Variants in SARDH observed in about 807,000 individuals in gnomAD.
SARDH encodes sarcosine dehydrogenase, mitochondrial.
SARDH carries 95 observed loss-of-function variants against 109.1 expected under a neutral mutation model. The observed-to-expected ratio is 0.87, with a 90% CI of 0.74 to 1.03. The LOEUF is 1.03. Ranked by LOEUF, SARDH falls within the 50% of genes least tolerant of loss-of-function variation. The probability of loss-of-function intolerance (pLI) is 0.00; values close to 1 mark genes in which losing one functional copy is unlikely to be tolerated. For missense variants in SARDH, 1,267 were observed against 1,287.8 expected (o/e 0.98, Z 0.25); for synonymous variants, 572 against 534.8 (o/e 1.07, Z -0.96).
In SARDH at chr9:133,729,776, C is replaced by T. The variant is rs773227673; in HGVS notation, c.904G>A (p.Glu302Lys). ...GGCTGTCCACCTACCTGAATCCCCT[C>T]GATGCGCTCGGTGACGACATAGGCA... ...HHAYVVTERIEGIQNMPNVRD... is the reference protein window; with the variant it reads ...HHAYVVTERIKGIQNMPNVRD... The change falls in exon 6 of 21, where the codon GAG becomes AAG. Residue 302 changes from glutamate (E) to lysine (K), a missense_variant. Transcript: ENST00000439388. 54 of 1,612,554 alleles carry T rather than the reference C, an allele frequency of 3.3e-5. No homozygotes were observed. Among genetic ancestry groups the T allele is most frequent in the Admixed American group, 1.7e-4 (10 of 59,986 alleles).
At chr9:133,711,306 G>C (rs1831910488) in intron 10 of SARDH, among the ~76,000 whole-genome samples, 1 of 152,212 alleles carries the variant, frequency 6.6e-6, no homozygotes, top group South Asian at 2.1e-4. Flanking sequence ...GGGAGGCCAG[G>C]GCATGAAGAC....
chr9:133,732,567 C>A lies in SARDH; in HGVS notation c.366G>T (p.Glu122Asp). Residue 122 changes from glutamate to aspartate, a missense_variant, in exon 3 of 21, where the codon GAG becomes GAT. Glu to Asp is a conservative substitution (Grantham distance 45). Transcript: ENST00000439388. The stretch of plus-strand genomic sequence containing the variant: ...GCCGAGTGTGGGCCAGAAGCTCCAC[C>A]TCCACGTCACTGGGCCGCAGCTGCC... ...LLWQLRPSDV[E>D]VELLAHTRRV... 1 of 1,612,528 alleles carries A rather than the reference C, an allele frequency of 6.2e-7. No individual in the cohort carries two copies. The highest frequency in any genetic ancestry group is 1.1e-5 in the South Asian group (1 of 90,800).
At position 133,712,040 on chromosome 9, in the gene SARDH, A is replaced by G. The variant is rs1831941158; in HGVS notation, c.1328+579T>C. Among the ~76,000 whole-genome samples the G allele has an allele frequency of 2.0e-5, 3 of 152,152 alleles. No homozygotes were observed. The highest frequency in any genetic ancestry group is 7.2e-5 in the African/African-American group (3 of 41,450). ...GCTCTGGCCACCAGCACCCCAGTCC[A>G]TGCCTCGGCTGGGGATGACTTAGCG... On this transcript the variant is annotated intron_variant, in intron 10 of 20. Coordinates refer to ENST00000439388, the MANE Select transcript of SARDH (RefSeq NM_001134707.2). The surrounding 1 kb of genome is among the most constrained non-coding windows in gnomAD (Gnocchi z 4.1).
chr9:133,734,216 T>A lies in SARDH; in HGVS notation c.-30-13A>T, dbSNP rs200135190. ...GCGAAACAGGGAGCTGGGGAGAGAA[T>A]CAGAGCTGGGTGGGGTGCAGAGGGG... On this transcript the variant is annotated splice_polypyrimidine_tract_variant and intron_variant, in intron 1 of 20. Coordinates refer to ENST00000439388, the MANE Select transcript of SARDH (RefSeq NM_001134707.2). The A allele has an allele frequency of 1.3e-4, 200 of 1,484,088 alleles. 1 individual carries two copies. In the African/African-American group the frequency reaches 2.6e-3, roughly 20 times the overall value. 91.9% of individuals were successfully genotyped at this position (1,484,088 alleles called of 1,614,324 possible).
At chr9:133,715,117 G>A (rs1180998995) in intron 8 of SARDH, among the ~76,000 whole-genome samples, 1 of 152,128 alleles carries the variant, frequency 6.6e-6, no homozygotes, top group Non-Finnish European at 1.5e-5. Flanking sequence ...CCTCCCAGGC[G>A]CTCCCTAAGT....
At chr9:133,707,605 C>G (rs1831738345) in intron 11 of SARDH, among the ~76,000 whole-genome samples, 1 of 152,196 alleles carries the variant, frequency 6.6e-6, no homozygotes, top group African/African-American at 2.4e-5. Context: ...GCCCATCCAT[C>G]TGTTCAACAA....
chr9:133,716,598 C>T (rs10117852), intron 8 of SARDH, among the ~76,000 whole-genome samples: 35,556 of 150,868 alleles, frequency 0.24, 4,444 homozygotes, highest in Admixed American at 0.29. Flanking sequence ...CAGAGCCTTC[C>T]AGGCTCCCCA....
At chr9:133,701,198 A>G (rs548238068) in intron 13 of SARDH, among the ~76,000 whole-genome samples, 5 of 152,348 alleles carry the variant, frequency 3.3e-5, no homozygotes, top group Non-Finnish European at 7.4e-5. Flanking sequence ...GATTGAAATC[A>G]GCCATGGAGA....
intron 17 of SARDH, among the ~76,000 whole-genome samples, chr9:133,684,968 G>A (rs1362070865): frequency 2.0e-5 from 3 of 152,230 alleles, no homozygotes; most frequent in Non-Finnish European, 4.4e-5. Flanking sequence ...CAGGCACCGA[G>A]GAGGGATGGA....
intron 17 of SARDH, among the ~76,000 whole-genome samples, chr9:133,672,313 T>C (rs1830378679): frequency 1.3e-5 from 2 of 152,232 alleles, no homozygotes; most frequent in Admixed American, 1.3e-4. Context: ...CTGACCTTAA[T>C]TACACCTGCA....
intron 18 of SARDH, among the ~76,000 whole-genome samples, 197 bp downstream of exon 18, chr9:133,671,338 C>G (rs895438479): frequency 6.6e-6 from 1 of 152,070 alleles, no homozygotes; most frequent in Non-Finnish European, 1.5e-5. Flanking sequence ...GCACGAAGAC[C>G]CTGGGCAGCA....
At chr9:133,698,816 A>G (rs887524434) in intron 13 of SARDH, among the ~76,000 whole-genome samples, 1 of 152,128 alleles carries the variant, frequency 6.6e-6, no homozygotes, top group African/African-American at 2.4e-5. Flanking sequence ...AAGATATAAA[A>G]CTCTTAGAAG....
At position 133,712,253 on chromosome 9, in the gene SARDH, C is replaced by T. The variant is rs919786727; in HGVS notation, c.1328+366G>A. On this transcript the variant is annotated intron_variant, in intron 10 of 20. Coordinates refer to ENST00000439388, the MANE Select transcript of SARDH (RefSeq NM_001134707.2). This position sits in a 1 kb window ranked among gnomAD's most constrained non-coding sequence, Gnocchi z 4.1. ...CAGCCGGGGCTGCCTGGCTGCAAGC[C>T]GCGGCATACACACTCAGCACAGTTT... Among the ~76,000 whole-genome samples, 1 of 152,134 alleles carries T rather than the reference C, an allele frequency of 6.6e-6. No individual in the cohort carries two copies. Among genetic ancestry groups the T allele is most frequent in the Non-Finnish European group, 1.5e-5 (1 of 68,012 alleles).
At chr9:133,695,288 G>C (rs926550304) in intron 14 of SARDH, among the ~76,000 whole-genome samples, 5 of 152,130 alleles carry the variant, frequency 3.3e-5, no homozygotes, top group Middle Eastern at 3.4e-3. Flanking sequence ...ACTAAAAATA[G>C]AAAAAATAGT....
intron 6 of SARDH, among the ~76,000 whole-genome samples, chr9:133,725,906 C>T (rs964661396): frequency 6.6e-6 from 1 of 152,134 alleles, no homozygotes; most frequent in Admixed American, 6.6e-5. Context: ...CGACCCCTGT[C>T]CTGTCTCTGG....
At chr9:133,670,858 C>T (rs929988639) in intron 18 of SARDH, 106 bp from the exon 19 acceptor site, 6 of 1,399,304 alleles carry the variant, frequency 4.3e-6, no homozygotes, top group East Asian at 5.3e-5. Context: ...CCCCTAGCCA[C>T]ACTCTCAGAG....
chr9:133,736,403 T>TTGTG (rs1832888745), intron 1 of SARDH, among the ~76,000 whole-genome samples: 1 of 152,132 alleles, frequency 6.6e-6, no homozygotes. Flanking sequence ...GTTTGTTTGT[T>TTGTG]TGTTTGTTTT....
In SARDH at chr9:133,709,691, C is replaced by T. The variant is rs2131438614; in HGVS notation, c.1329-1263G>A. ...CATTAACAGCTGCTGTCGCTTATGG[C>T]ACCCAGCTCCAGTGCAGGCTCAGAG... On this transcript the variant is annotated intron_variant, in intron 10 of 20. Coordinates refer to ENST00000439388, the MANE Select transcript of SARDH (RefSeq NM_001134707.2). This position sits in a 1 kb window ranked among gnomAD's most constrained non-coding sequence, Gnocchi z 4.2. Among the ~76,000 whole-genome samples, 1 of 152,266 alleles carries T rather than the reference C, an allele frequency of 6.6e-6. No individual in the cohort carries two copies. The highest frequency in any genetic ancestry group is 2.1e-4 in the South Asian group (1 of 4,820).
chr9:133,692,156 C>T lies in SARDH; in HGVS notation c.1922-1629G>A, dbSNP rs1041996924. ...ACCCCCAGACTCTGACTCAATTCTC[C>T]ATCGCAGCCCCGGGAGGCGCGTCTT... On this transcript the variant is annotated intron_variant, in intron 15 of 20. Transcript: ENST00000439388. This position sits in a 1 kb window ranked among gnomAD's most constrained non-coding sequence, Gnocchi z 5.0. Among the ~76,000 whole-genome samples, 1 of 152,184 alleles carries T rather than the reference C, an allele frequency of 6.6e-6. No homozygotes were observed. The highest frequency in any genetic ancestry group is 2.4e-5 in the African/African-American group (1 of 41,436).
Sources: gnomAD v4.1 joint callset for allele counts (sites outside exome capture counted in the v4.1 genomes callset) on GRCh38, gnomAD v4.1.1 for gene constraint, Gnocchi (gnomAD v3.1) non-coding constraint, MANE v1.5 for transcripts, NCBI Gene and HGNC (gene_info 2026-07-23, HGNC 2026-07-21) for gene names.